The following FYCO1 variants were observed in gnomAD, a reference collection of about 807,000 sequenced individuals.
The protein encoded by FYCO1 is FYVE and coiled-coil domain autophagy adaptor 1.
In FYCO1, 122 loss-of-function variants were observed where a neutral mutation model predicts 165.1. The observed-to-expected ratio is 0.74, with a 90% CI of 0.64 to 0.86. FYCO1 has a LOEUF of 0.86. Ranked by LOEUF, FYCO1 falls within the 40% of genes least tolerant of loss-of-function variation. The pLI, the probability that FYCO1 is intolerant of heterozygous loss-of-function variation, is 0.00. For synonymous variants in FYCO1, 648 were observed against 742.5 expected (o/e 0.87, Z 2.07); for missense variants, 1,702 against 1,810.3 (o/e 0.94, Z 1.09).
chr3:45,928,620 A>G (rs1342629649), intron 16 of FYCO1, among the ~76,000 whole-genome samples: 1 of 152,142 alleles, frequency 6.6e-6, no homozygotes, highest in African/African-American at 2.4e-5. Context: ...ATCCACCTGG[A>G]TGCTTCTCCT....
intron 13 of FYCO1, among the ~76,000 whole-genome samples, chr3:45,957,667 T>G (rs570085003): frequency 2.0e-5 from 3 of 152,358 alleles, no homozygotes; most frequent in African/African-American, 7.2e-5. Context: ...AACAACATAA[T>G]GGGGCCTGCC....
In FYCO1 at chr3:45,964,985, C is replaced by G; in HGVS notation, c.3150+48G>C. On this transcript the variant is annotated intron_variant, in intron 9 of 17. Transcript: ENST00000296137. This position sits in a 1 kb window ranked among gnomAD's most constrained non-coding sequence, Gnocchi z 4.1. ...GCCCTCTTAAATGGTCCAGTCAAAA[C>G]CACACCAGATGCCCTCTCCCTGACA... 1.3e-6 allele frequency: 2 copies of G among 1,513,868 alleles called. No individual in the cohort carries two copies. The highest frequency in any genetic ancestry group is 1.8e-6 in the Non-Finnish European group (2 of 1,090,578). The allele number at this position is 1,513,868 out of a possible 1,614,324, so 93.8% of individuals were successfully genotyped here.
chr3:45,974,971 C>T (rs555303228), intron 5 of FYCO1, among the ~76,000 whole-genome samples: 2 of 152,166 alleles, frequency 1.3e-5, no homozygotes, highest in African/African-American at 2.4e-5. Flanking sequence ...TGCCTGGTAT[C>T]GGGAGTTAAG....
At chr3:45,928,727 T>C (rs922920682) in intron 16 of FYCO1, among the ~76,000 whole-genome samples, 3 of 152,176 alleles carry the variant, frequency 2.0e-5, no homozygotes, top group Non-Finnish European at 4.4e-5. Flanking sequence ...TCCTCATCTC[T>C]GTTCCCCAGG....
At chr3:45,923,581 G>C in intron 17 of FYCO1, 75 bp downstream of exon 17, 1 of 901,490 alleles carries the variant, frequency 1.1e-6, no homozygotes, top group Middle Eastern at 2.1e-4. Flanking sequence ...TTGGTTTTGA[G>C]TGTCCACCTC....
At position 45,967,995 on chromosome 3, in the gene FYCO1, G is replaced by A. The variant is rs33910087; in HGVS notation, c.1339C>T (p.Arg447Cys). ...AGTGGGGCCATCTCCTTCACCAGGC[G>A]CTCCAGGCTGGCCCGGGCATCCTCT... ...LKEDARASLE[R>C]LVKEMAPLQE... The change falls in exon 8 of 18, where the codon CGC becomes TGC. Residue 447 changes from arginine to cysteine, a missense_variant. By Grantham distance (180) the Arg-to-Cys change is radical (BLOSUM62 -3). Transcript: ENST00000296137. 182,691 of 1,613,916 alleles carry A rather than the reference G, an allele frequency of 0.11. 13,793 individuals carry two copies. Among genetic ancestry groups the A allele is most frequent in the South Asian group, 0.34 (30,512 of 91,064 alleles).
Position 45,921,689 on chromosome 3 carries a change from A to T in FYCO1, c.*76T>A, listed in dbSNP as rs1308740617. ...ATGATTTTGGAGCAGCTGACTTTTT[A>T]AAAAAATGCTTTATGTGACAGGTGA... On this transcript the variant is annotated 3_prime_UTR_variant, in exon 18 of 18. Coordinates refer to ENST00000296137, the MANE Select transcript of FYCO1 (RefSeq NM_024513.4). 3.4e-5 allele frequency: 36 copies of T among 1,059,628 alleles called. No homozygotes were observed. Among genetic ancestry groups the T allele is most frequent in the South Asian group, 1.4e-4 (11 of 78,710 alleles). 65.6% of individuals were successfully genotyped at this position (1,059,628 alleles called of 1,614,324 possible). A position where few individuals can be genotyped will look rare whatever the true frequency, so the allele number is the denominator to read the frequency against.
intron 11 of FYCO1, among the ~76,000 whole-genome samples, chr3:45,960,344 G>A (rs1471596443): frequency 6.6e-6 from 1 of 152,238 alleles, no homozygotes; most frequent in Non-Finnish European, 1.5e-5. Flanking sequence ...TCCTGAGAGA[G>A]ACAGGCTCCA....
At chr3:45,938,277 G>T in intron 14 of FYCO1, 1 of 1,276,784 alleles carries the variant, frequency 7.8e-7, no homozygotes, top group East Asian at 5.6e-5. Flanking sequence ...AGGTAGGAAT[G>T]GGATAGGTGG....
chr3:45,936,619 T>C, intron 14 of FYCO1, 76 bp from the exon 15 acceptor site: 1 of 1,060,778 alleles, frequency 9.4e-7, no homozygotes, highest in Non-Finnish European at 1.5e-6. Context: ...TCCGCAGTCT[T>C]GGAGTCACAG....
chr3:45,994,357 C>T (rs1200340551), intron 1 of FYCO1, among the ~76,000 whole-genome samples: 1 of 152,074 alleles, frequency 6.6e-6, no homozygotes, highest in Non-Finnish European at 1.5e-5. Context: ...AAGTGCTACA[C>T]AAAGATAGTC....
Position 45,968,417 on chromosome 3 carries a change from T to G in FYCO1, c.917A>C (p.Gln306Pro). The G allele has an allele frequency of 6.2e-7, 1 of 1,613,908 alleles. No homozygotes were observed. The highest frequency in any genetic ancestry group is 8.5e-7 in the Non-Finnish European group (1 of 1,179,960). The change falls in exon 8 of 18, where the codon CAG becomes CCG. Residue 306 changes from glutamine to proline, a missense_variant. By Grantham distance (76) the Gln-to-Pro change is moderately conservative. Transcript: ENST00000296137. ...AELQKQWEVT[Q>P]ATQNTVKELQ... Reference sequence around the variant, plus strand: ...CTCCTTCACAGTGTTCTGGGTGGCCTGGGTGACCTCCCACTGCTTCTGGAG... The same window carrying G: ...CTCCTTCACAGTGTTCTGGGTGGCCGGGGTGACCTCCCACTGCTTCTGGAG...
chr3:45,932,927 TA>T (rs57419999), intron 15 of FYCO1, among the ~76,000 whole-genome samples: 2 of 152,228 alleles, frequency 1.3e-5, no homozygotes, highest in African/African-American at 4.8e-5. Context: ...TATTACCATG[TA>T]AAAAGTCACT....
chr3:45,940,530 T>A (rs1480159141), intron 14 of FYCO1, among the ~76,000 whole-genome samples: 1 of 152,200 alleles, frequency 6.6e-6, no homozygotes, highest in Non-Finnish European at 1.5e-5. Context: ...CAAGCCACCA[T>A]GCCTGCGGAC....
chr3:45,986,522 A>G (rs59551829), intron 1 of FYCO1, among the ~76,000 whole-genome samples: 277 of 152,300 alleles, frequency 1.8e-3, no homozygotes, highest in African/African-American at 6.3e-3. Context: ...TTTTTAACTA[A>G]CTAGCCAATG....
In FYCO1 at chr3:45,966,430, G is replaced by A. The variant is rs772830047; in HGVS notation, c.2904C>T (p.Ala968=). ...CAGGCAGTGAGCCGGCTGCTGCCTT[G>A]GCCGCCTTCAGCTTCTCCTGCAAGC... ...KESLQEKLKA[A]KAAAGSLPGL... Residue 968 remains alanine (A), a synonymous_variant, in exon 8 of 18, where the codon GCC becomes GCT. Transcript: ENST00000296137. The A allele has an allele frequency of 2.5e-6, 4 of 1,612,894 alleles. No homozygotes were observed. In the South Asian group the frequency reaches 3.3e-5, roughly 13 times the overall value.
intron 1 of FYCO1, 100 bp from the exon 2 acceptor site, chr3:45,985,122 G>C: frequency 1.5e-6 from 1 of 655,488 alleles, no homozygotes; most frequent in African/African-American, 1.8e-5. Context: ...CACCCTATCT[G>C]GGTGTATTCC....
chr3:45,963,371 T>C (rs1338136866), intron 10 of FYCO1, among the ~76,000 whole-genome samples: 4 of 152,204 alleles, frequency 2.6e-5, no homozygotes, highest in Non-Finnish European at 5.9e-5. Context: ...TCAGACTCTG[T>C]TTAAATTGTC....
intron 1 of FYCO1, among the ~76,000 whole-genome samples, chr3:45,992,664 GAATT>G (rs751744173): frequency 3.3e-5 from 5 of 152,098 alleles, no homozygotes; most frequent in Admixed American, 6.5e-5. Context: ...TCCTTCATGT[GAATT>G]AATTAAGAAT....
Sources: allele counts gnomAD v4.1 joint callset (sites outside exome capture counted in the v4.1 genomes callset), GRCh38; gene constraint gnomAD v4.1.1; non-coding constraint Gnocchi (gnomAD v3.1); transcripts MANE v1.5; gene names NCBI Gene and HGNC (gene_info 2026-07-23, HGNC 2026-07-21).